The following FAM53B variants were observed in gnomAD, a reference collection of about 807,000 sequenced individuals.
FAM53B encodes protein FAM53B.
A neutral mutation model predicts 32.7 loss-of-function variants in FAM53B; 12 were observed. That is an observed-to-expected ratio of 0.37 (90% confidence interval 0.24 to 0.59). The LOEUF (loss-of-function observed/expected upper bound fraction) is 0.59, where lower values mean the gene tolerates loss of function less well. Among genes scored for constraint, FAM53B ranks in the 20% least tolerant of loss-of-function variants. The pLI is 0.72. For missense variants in FAM53B, 477 were observed against 577.7 expected (o/e 0.83, Z 1.79); for synonymous variants, 234 against 228.7 (o/e 1.02, Z -0.21).
At chr10:124,711,931 T>C (rs1484924477) in intron 1 of FAM53B, among the ~76,000 whole-genome samples, 1 of 149,242 alleles carries the variant, frequency 6.7e-6, no homozygotes, top group Non-Finnish European at 1.5e-5. Context: ...GGCGTGGGAG[T>C]GTATGCCTGT....
In FAM53B at chr10:124,723,095, G is replaced by A. The variant is rs542740100; in HGVS notation, c.-174-16208C>T. Among the ~76,000 whole-genome samples the A allele has an allele frequency of 1.1e-4, 16 of 152,262 alleles. No individual in the cohort carries two copies. In the East Asian group the frequency reaches 2.5e-3, roughly 24 times the overall value. On this transcript the variant is annotated intron_variant, in intron 1 of 4. Transcript: ENST00000337318. ...CACACTCCACACTGAGTCAGGTCAC[G>A]CCCTCTGCCTCTGTGCAGAATGCAG...
rs899662582 is a variant in FAM53B, at chr10:124,706,861, G to A, written c.-148C>T. 2.7e-6 allele frequency: 4 copies of A among 1,481,970 alleles called. No individual in the cohort carries two copies. Among genetic ancestry groups the A allele is most frequent in the South Asian group, 1.3e-5 (1 of 76,252 alleles). 91.8% of individuals were successfully genotyped at this position (1,481,970 alleles called of 1,614,324 possible). A position where few individuals can be genotyped will look rare whatever the true frequency, so the allele number is the denominator to read the frequency against. ...CTCACCCTTGGGGTGGGGCCCTTCT[G>A]GGAAATGGCCAAATGTGGTCAACTC... On this transcript the variant is annotated 5_prime_UTR_variant, in exon 2 of 5. Transcript: ENST00000337318.
chr10:124,720,774 A>G (rs547422274), intron 1 of FAM53B, among the ~76,000 whole-genome samples: 3 of 152,374 alleles, frequency 2.0e-5, no homozygotes, highest in African/African-American at 7.2e-5. Flanking sequence ...GTCCCCTCCC[A>G]TGGAAGTGAA....
At chr10:124,641,396 T>A (rs970180038) in intron 4 of FAM53B, among the ~76,000 whole-genome samples, 16 of 152,236 alleles carry the variant, frequency 1.1e-4, no homozygotes, top group Non-Finnish European at 1.8e-4. Context: ...AGCCTCTGGC[T>A]GAGACCATCA....
chr10:124,711,789 G>A (rs986196627), intron 1 of FAM53B, among the ~76,000 whole-genome samples: 4 of 152,128 alleles, frequency 2.6e-5, no homozygotes, highest in African/African-American at 7.2e-5. Flanking sequence ...ACAGTGGCTC[G>A]CACCAGTGAT....
chr10:124,651,742 G>A lies in FAM53B; in HGVS notation c.907-28138C>T, dbSNP rs910965913. Among the ~76,000 whole-genome samples the A allele has an allele frequency of 1.3e-5, 2 of 152,214 alleles. No homozygotes were observed. The highest frequency in any genetic ancestry group is 6.5e-5 in the Admixed American group (1 of 15,284). ...GTCAGCAGAGCCCCACAGATGTCTA[G>A]CCCCTGCCTCAGGTCGGCAGTGACT... On this transcript the variant is annotated intron_variant, in intron 4 of 4. Transcript: ENST00000337318. The surrounding 1 kb of genome is among the most constrained non-coding windows in gnomAD (Gnocchi z 5.2).
chr10:124,695,364 C>T (rs1201536115), intron 3 of FAM53B, among the ~76,000 whole-genome samples: 2 of 152,060 alleles, frequency 1.3e-5, no homozygotes, highest in South Asian at 2.1e-4. Flanking sequence ...TCTTTTTTAC[C>T]GCCTATAAAA....
intron 4 of FAM53B, among the ~76,000 whole-genome samples, chr10:124,648,766 C>T (rs1949537497): frequency 6.6e-6 from 1 of 152,262 alleles, no homozygotes; most frequent in African/African-American, 2.4e-5. Context: ...AGCTAGTCCA[C>T]CTGTCCCGCC....
intron 4 of FAM53B, among the ~76,000 whole-genome samples, chr10:124,645,140 G>C (rs1321782689): frequency 2.6e-5 from 4 of 152,204 alleles, no homozygotes; most frequent in African/African-American, 4.8e-5. Flanking sequence ...TGGAGCCCTC[G>C]GCATAGGATG....
rs1291823126 is a variant in FAM53B, at chr10:124,621,428, T to A, written c.*1814A>T. 1 of 152,278 alleles carries A rather than the reference T, an allele frequency of 6.6e-6. No homozygotes were observed. The highest frequency in any genetic ancestry group is 1.5e-5 in the Non-Finnish European group (1 of 68,068). 9.4% of individuals were successfully genotyped at this position (152,278 alleles called of 1,614,324 possible). ...GGCTGTCCGGGATCACAAGTAGACA[T>A]GCCTCCGGCAGGAGCTACAGCAACC... On this transcript the variant is annotated 3_prime_UTR_variant, in exon 5 of 5. Transcript: ENST00000337318.
chr10:124,679,148 G>A (rs1197747116), intron 4 of FAM53B, among the ~76,000 whole-genome samples: 1 of 152,226 alleles, frequency 6.6e-6, no homozygotes. Context: ...CCAGCGGAAG[G>A]AAGCGTGGGC....
intron 1 of FAM53B, among the ~76,000 whole-genome samples, chr10:124,714,631 C>T (rs541080669): frequency 2.6e-5 from 4 of 151,900 alleles, no homozygotes; most frequent in East Asian, 1.9e-4. Context: ...TGGTGGCGCA[C>T]GCCTGTAGTC....
intron 2 of FAM53B, among the ~76,000 whole-genome samples, chr10:124,700,037 C>T (rs969866664): frequency 6.6e-6 from 1 of 152,230 alleles, no homozygotes; most frequent in Non-Finnish European, 1.5e-5. Flanking sequence ...GACCTCAAGA[C>T]CAGATCACGG....
intron 1 of FAM53B, among the ~76,000 whole-genome samples, chr10:124,709,843 G>GA (rs35504510): frequency 0.24 from 31,029 of 127,848 alleles, 3,590 homozygotes; most frequent in Non-Finnish European, 0.3. Context: ...CTCAAAAAAA[G>GA]AAAAAAAAAA....
At chr10:124,673,897 C>T (rs1368639692) in intron 4 of FAM53B, among the ~76,000 whole-genome samples, 1 of 152,208 alleles carries the variant, frequency 6.6e-6, no homozygotes, top group Non-Finnish European at 1.5e-5. Flanking sequence ...CATGGCTACA[C>T]CTGGGCAGAT....
At chr10:124,652,429 GC>G (rs1320907746) in intron 4 of FAM53B, among the ~76,000 whole-genome samples, 1 of 152,174 alleles carries the variant, frequency 6.6e-6, no homozygotes, top group Non-Finnish European at 1.5e-5. Flanking sequence ...GGAGGCTGTG[GC>G]CACAGCCTTA....
At chr10:124,654,084 C>T (rs2134052259) in intron 4 of FAM53B, among the ~76,000 whole-genome samples, 1 of 152,346 alleles carries the variant, frequency 6.6e-6, no homozygotes, top group Non-Finnish European at 1.5e-5. Context: ...CACATGCCTC[C>T]TTATTTGGAA....
At chr10:124,645,361 T>G (rs2134047187) in intron 4 of FAM53B, among the ~76,000 whole-genome samples, 1 of 152,310 alleles carries the variant, frequency 6.6e-6, no homozygotes, top group South Asian at 2.1e-4. Context: ...TAACACTAAT[T>G]CAGAGTGCCC....
At chr10:124,643,507 G>A (rs917033128) in intron 4 of FAM53B, among the ~76,000 whole-genome samples, 2 of 152,188 alleles carry the variant, frequency 1.3e-5, no homozygotes, top group Non-Finnish European at 2.9e-5. Flanking sequence ...ATCACTCGTC[G>A]CCCGGGCCCG....
Sources: allele counts gnomAD v4.1 joint callset (sites outside exome capture counted in the v4.1 genomes callset), GRCh38; gene constraint gnomAD v4.1.1; non-coding constraint Gnocchi (gnomAD v3.1); transcripts MANE v1.5; gene names NCBI Gene and HGNC (gene_info 2026-07-23, HGNC 2026-07-21).